AFAP1: variants seen among roughly 807,000 people sequenced by gnomAD.
The protein encoded by AFAP1 is actin filament-associated protein 1.
AFAP1 carries 75 observed loss-of-function variants against 93.9 expected under a neutral mutation model. The ratio of observed to expected loss-of-function variants is 0.80; its 90% CI spans 0.66 to 0.97. The LOEUF (loss-of-function observed/expected upper bound fraction) is 0.97. Ranked by LOEUF, AFAP1 falls within the 50% of genes least tolerant of loss-of-function variation. The pLI is 0.00. For synonymous variants in AFAP1, 517 were observed against 430.7 expected (o/e 1.20, Z -2.48); for missense variants, 1,201 against 1,050.8 (o/e 1.14, Z -1.98).
chr4:7,871,848 G>GT, intron 2 of AFAP1, 104 bp downstream of exon 2: 1 of 1,443,140 alleles, frequency 6.9e-7, no homozygotes, highest in Non-Finnish European at 9.4e-7. Flanking sequence ...AAGCTTGTAA[G>GT]TTAAAGAACA....
At chr4:7,876,893 A>T (rs1717543609) in intron 1 of AFAP1, among the ~76,000 whole-genome samples, 1 of 152,188 alleles carries the variant, frequency 6.6e-6, no homozygotes, top group African/African-American at 2.4e-5. Flanking sequence ...CCTTTTTGGG[A>T]TATTCACAGA....
At chr4:7,800,152 C>A (rs6814711) in intron 10 of AFAP1, among the ~76,000 whole-genome samples, 57,350 of 152,060 alleles carry the variant, frequency 0.38, 11,512 homozygotes, top group East Asian at 0.76. Context: ...TTCCCTGCAA[C>A]CAGGCATAAA....
chr4:7,911,221 A>G (rs115377374), intron 1 of AFAP1, among the ~76,000 whole-genome samples: 3,387 of 151,872 alleles, frequency 0.022, 60 homozygotes, highest in Middle Eastern at 0.078. Context: ...TTCTTCCCCC[A>G]CTCCCTGCAT....
chr4:7,863,088 T>C (rs533782162), intron 3 of AFAP1, among the ~76,000 whole-genome samples: 6 of 152,334 alleles, frequency 3.9e-5, no homozygotes, highest in South Asian at 4.1e-4. Context: ...ATCAGTCTGA[T>C]AGCTGCACAG....
intron 5 of AFAP1, among the ~76,000 whole-genome samples, chr4:7,840,213 A>T (rs1192186083): frequency 6.6e-6 from 1 of 151,748 alleles, no homozygotes; most frequent in Non-Finnish European, 1.5e-5. Flanking sequence ...ATGAATAGAT[A>T]GTTATTTTCA....
chr4:7,826,186 C>A (rs1355384831), intron 6 of AFAP1, among the ~76,000 whole-genome samples: 2 of 152,310 alleles, frequency 1.3e-5, no homozygotes, highest in South Asian at 2.1e-4. Context: ...GTTGACAATT[C>A]AAGGTGCCCC....
intron 17 of AFAP1, among the ~76,000 whole-genome samples, chr4:7,768,101 T>C (rs9790400): frequency 0.21 from 31,634 of 152,094 alleles, 4,535 homozygotes; most frequent in African/African-American, 0.39. Flanking sequence ...ATTCCGGCAA[T>C]GAGAGGAACC....
intron 10 of AFAP1, 76 bp from the exon 11 acceptor site, chr4:7,793,902 AC>A: frequency 7.3e-7 from 1 of 1,373,454 alleles, no homozygotes; most frequent in Non-Finnish European, 9.6e-7. Context: ...CAATAAAGAG[AC>A]CACATAATAG....
At chr4:7,923,658 T>C (rs1406642893) in intron 1 of AFAP1, among the ~76,000 whole-genome samples, 1 of 152,192 alleles carries the variant, frequency 6.6e-6, no homozygotes, top group Non-Finnish European at 1.5e-5. Flanking sequence ...TTTGTATTTT[T>C]AGTAGAAACA....
At position 7,765,730 on chromosome 4, in the gene AFAP1, A is replaced by G. The variant is rs547491887; in HGVS notation, c.2419-1939T>C. 2.0e-4 allele frequency among the ~76,000 whole-genome samples: 31 copies of G among 152,342 alleles called. No homozygotes were observed. In the East Asian group the frequency reaches 5.8e-3, roughly 28 times the overall value. ...CCTGGCATGGATGGCTCTGGAGGAC[A>G]GCAGAAGGCACAGACGCCAGGGCCA... On this transcript the variant is annotated intron_variant, in intron 17 of 17. Transcript: ENST00000420658.
intron 4 of AFAP1, among the ~76,000 whole-genome samples, chr4:7,853,202 G>C (rs1004017894): frequency 1.3e-5 from 2 of 150,954 alleles, no homozygotes; most frequent in Non-Finnish European, 2.9e-5. Flanking sequence ...ATCTGGGAGT[G>C]ATAGGGCAGA....
chr4:7,912,700 G>A (rs1560233167), intron 1 of AFAP1, among the ~76,000 whole-genome samples: 1 of 152,126 alleles, frequency 6.6e-6, no homozygotes, highest in African/African-American at 2.4e-5. Flanking sequence ...CATGTGGCTT[G>A]CAATTAGTTT....
intron 11 of AFAP1, among the ~76,000 whole-genome samples, chr4:7,793,345 T>C (rs1214553764): frequency 6.6e-6 from 1 of 152,180 alleles, no homozygotes; most frequent in African/African-American, 2.4e-5. Flanking sequence ...CAAATAAAGT[T>C]TTATTAGAAC....
At chr4:7,780,556 T>C (rs552210865) in intron 13 of AFAP1, among the ~76,000 whole-genome samples, 1 of 152,342 alleles carries the variant, frequency 6.6e-6, no homozygotes, top group South Asian at 2.1e-4. Context: ...CATGTGCCTG[T>C]TGTCCCAGCT....
chr4:7,891,136 C>T (rs1718446476), intron 1 of AFAP1, among the ~76,000 whole-genome samples: 1 of 152,098 alleles, frequency 6.6e-6, no homozygotes. Context: ...AGATTAATCT[C>T]AAGAAAAGCC....
At chr4:7,818,500 CA>C (rs1305607428) in intron 7 of AFAP1, among the ~76,000 whole-genome samples, 1 of 152,162 alleles carries the variant, frequency 6.6e-6, no homozygotes, top group African/African-American at 2.4e-5. Context: ...GGCAGGAAGC[CA>C]GGGGTCTCCA....
At chr4:7,888,850 G>A (rs1016209600) in intron 1 of AFAP1, among the ~76,000 whole-genome samples, 1 of 152,026 alleles carries the variant, frequency 6.6e-6, no homozygotes, top group East Asian at 1.9e-4. Flanking sequence ...GAGTGCAGTG[G>A]CATGATCTCG....
At chr4:7,866,896 G>A (rs1412096919) in intron 3 of AFAP1, among the ~76,000 whole-genome samples, 1 of 151,302 alleles carries the variant, frequency 6.6e-6, no homozygotes, top group Non-Finnish European at 1.5e-5. Context: ...ACATTTGGCT[G>A]GGCATGGTGG....
rs1237211794 is a variant in AFAP1, at chr4:7,759,355, C to T, written c.*4410G>A. 5 of 152,610 alleles carry T rather than the reference C, an allele frequency of 3.3e-5. No individual in the cohort carries two copies. The highest frequency in any genetic ancestry group is 7.3e-5 in the Non-Finnish European group (5 of 68,042). 9.5% of individuals were successfully genotyped at this position (152,610 alleles called of 1,614,324 possible). ...CCGGAACTATTTCATGAACTACGGG[C>T]GAAAGGATGCGTCTGACGCCCACCA... is the stretch of plus-strand genomic sequence containing the variant. On this transcript the variant is annotated 3_prime_UTR_variant, in exon 18 of 18. Transcript: ENST00000420658.
Sources: allele counts gnomAD v4.1 joint callset (sites outside exome capture counted in the v4.1 genomes callset), GRCh38; gene constraint gnomAD v4.1.1; transcripts MANE v1.5; gene names NCBI Gene and HGNC (gene_info 2026-07-23, HGNC 2026-07-21).